The following RBFOX1 variants were observed in gnomAD, a reference collection of about 807,000 sequenced individuals.
The protein encoded by RBFOX1 is RNA binding protein fox-1 homolog 1.
RBFOX1 carries 8 observed loss-of-function variants against 57.7 expected under a neutral mutation model. That is an observed-to-expected ratio of 0.14 (90% CI 0.08 to 0.25). The LOEUF (loss-of-function observed/expected upper bound fraction) is 0.25. Ranked by LOEUF, RBFOX1 falls within the 10% of genes least tolerant of loss-of-function variation. The pLI is 1.00. For missense variants in RBFOX1, 611 were observed against 548.5 expected, an observed-to-expected ratio of 1.11 and a Z score of -1.14; for synonymous variants, 326 against 222.4, an observed-to-expected ratio of 1.47 and a Z score of -4.15.
At chr16:7,036,971 T>C (rs566172165) in intron 3 of RBFOX1, among the ~76,000 whole-genome samples, 1 of 152,282 alleles carries the variant, frequency 6.6e-6, no homozygotes, top group South Asian at 2.1e-4. Context: ...TTTTAGATCA[T>C]ACAGGGTAAC....
intron 4 of RBFOX1, among the ~76,000 whole-genome samples, chr16:5,885,346 A>G (rs2057873187): frequency 1.3e-5 from 2 of 151,810 alleles, no homozygotes; most frequent in Non-Finnish European, 2.9e-5. Flanking sequence ...AACTCCAAAT[A>G]CGACTGCATT....
At chr16:5,518,726 C>T (rs918318078) in intron 2 of RBFOX1, among the ~76,000 whole-genome samples, 1 of 152,154 alleles carries the variant, frequency 6.6e-6, no homozygotes, top group Non-Finnish European at 1.5e-5. Context: ...ACATCCTCAA[C>T]TGTGAAGCGA....
At chr16:6,115,499 A>C (rs888027823) in intron 1 of RBFOX1, among the ~76,000 whole-genome samples, 1 of 152,170 alleles carries the variant, frequency 6.6e-6, no homozygotes, top group Non-Finnish European at 1.5e-5. Flanking sequence ...GGCTGGCCCA[A>C]GGGGTGGGCT....
At chr16:5,246,578 G>C (rs2062305235) in intron 1 of RBFOX1, among the ~76,000 whole-genome samples, 1 of 152,106 alleles carries the variant, frequency 6.6e-6, no homozygotes, top group Non-Finnish European at 1.5e-5. Flanking sequence ...CTCTAAAAAT[G>C]ACATTCTGTG....
intron 3 of RBFOX1, among the ~76,000 whole-genome samples, chr16:5,643,489 T>G (rs2048947650): frequency 1.3e-5 from 2 of 152,230 alleles, no homozygotes; most frequent in African/African-American, 4.8e-5. Context: ...ATGGAGATTC[T>G]GAGCATCTGA....
intron 3 of RBFOX1, among the ~76,000 whole-genome samples, chr16:6,914,822 A>C (rs986067981): frequency 6.6e-6 from 1 of 152,226 alleles, no homozygotes; most frequent in Non-Finnish European, 1.5e-5. Flanking sequence ...CAGGAGTTCA[A>C]GGCTGCACTG....
chr16:5,718,220 T>C (rs975992143), intron 3 of RBFOX1, among the ~76,000 whole-genome samples: 1 of 152,224 alleles, frequency 6.6e-6, no homozygotes, highest in African/African-American at 2.4e-5. Flanking sequence ...TCTATCTTAA[T>C]AGACAGAGAA....
chr16:7,421,231 G>A (rs2098539784), intron 4 of RBFOX1, among the ~76,000 whole-genome samples: 1 of 143,324 alleles, frequency 7.0e-6, no homozygotes, highest in Non-Finnish European at 1.5e-5. Flanking sequence ...GAGGCAGAAA[G>A]ACAAAGAGAG....
At chr16:6,573,316 A>G (rs961212028) in intron 2 of RBFOX1, among the ~76,000 whole-genome samples, 3 of 152,290 alleles carry the variant, frequency 2.0e-5, no homozygotes, top group Admixed American at 2.0e-4. Context: ...TCCCCTAGAA[A>G]GTAAGAAACA....
At chr16:6,686,273 A>G (rs1157818677) in intron 3 of RBFOX1, among the ~76,000 whole-genome samples, 3 of 152,102 alleles carry the variant, frequency 2.0e-5, no homozygotes, top group African/African-American at 7.2e-5. Context: ...CATTCATAGC[A>G]ATCGAAGGCG....
At chr16:5,854,193 A>T (rs1157165173) in intron 3 of RBFOX1, among the ~76,000 whole-genome samples, 2 of 152,172 alleles carry the variant, frequency 1.3e-5, no homozygotes, top group Non-Finnish European at 2.9e-5. Flanking sequence ...CCTGGTGAGA[A>T]CACGTAAGAT....
At chr16:5,381,635 G>T (rs1460681048) in intron 1 of RBFOX1, among the ~76,000 whole-genome samples, 1 of 152,222 alleles carries the variant, frequency 6.6e-6, no homozygotes, top group African/African-American at 2.4e-5. Context: ...CCATAGGGTT[G>T]TTACAAACAT....
chr16:6,052,647 G>A (rs949664357), intron 1 of RBFOX1, among the ~76,000 whole-genome samples: 4 of 151,896 alleles, frequency 2.6e-5, no homozygotes, highest in African/African-American at 9.7e-5. Context: ...AGACTGGCGC[G>A]GTGGCGGGCG....
chr16:5,827,487 T>C (rs1389591453), intron 3 of RBFOX1, among the ~76,000 whole-genome samples: 1 of 151,792 alleles, frequency 6.6e-6, no homozygotes, highest in Non-Finnish European at 1.5e-5. Context: ...GACAACTCTC[T>C]ATGCACCCCG....
chr16:7,386,373 AC>A (rs944388759), intron 4 of RBFOX1, among the ~76,000 whole-genome samples: 7 of 149,548 alleles, frequency 4.7e-5, no homozygotes, highest in African/African-American at 1.7e-4. Context: ...CTAAAGCTAT[AC>A]CCCCCAGCCC....
intron 4 of RBFOX1, among the ~76,000 whole-genome samples, chr16:7,133,729 C>T (rs993761117): frequency 4.6e-5 from 7 of 151,950 alleles, no homozygotes; most frequent in Admixed American, 1.3e-4. Flanking sequence ...CTTATAGTTT[C>T]TTTAGACGTA....
At chr16:7,437,452 C>T (rs1334776277) in intron 4 of RBFOX1, among the ~76,000 whole-genome samples, 1 of 151,970 alleles carries the variant, frequency 6.6e-6, no homozygotes, top group African/African-American at 2.4e-5. Context: ...ACTGTTGGCG[C>T]GTTATTAATG....
intron 1 of RBFOX1, among the ~76,000 whole-genome samples, chr16:5,412,071 C>T (rs1034041179): frequency 5.9e-5 from 9 of 152,090 alleles, no homozygotes; most frequent in Non-Finnish European, 1.5e-5. Flanking sequence ...GAATGTCTTG[C>T]CCTCCTGAAG....
intron 4 of RBFOX1, among the ~76,000 whole-genome samples, chr16:7,330,929 C>T (rs973682685): frequency 3.3e-5 from 5 of 152,056 alleles, no homozygotes; most frequent in East Asian, 1.9e-4. Flanking sequence ...TGAAAGTCAT[C>T]GTCAAAAGCT....
Sources: gnomAD v4.1 joint callset for allele counts (sites outside exome capture counted in the v4.1 genomes callset) on GRCh38, gnomAD v4.1.1 for gene constraint, MANE v1.5 for transcripts, NCBI Gene and HGNC (gene_info 2026-07-23, HGNC 2026-07-21) for gene names.